Variants in ZFP64 observed in about 807,000 individuals in gnomAD.
The protein encoded by ZFP64 is zinc finger protein 64.
In ZFP64, 14 loss-of-function variants were observed where a neutral mutation model predicts 51.6. The ratio of observed to expected loss-of-function variants is 0.27; its 90% CI spans 0.18 to 0.42. The LOEUF is 0.42. ZFP64 is among the 10% of genes least tolerant of loss of function. ZFP64 has a pLI of 1.00. For synonymous variants in ZFP64, 375 were observed against 361.4 expected, an observed-to-expected ratio of 1.04 and a Z score of -0.43; for missense variants, 754 against 906.8, an observed-to-expected ratio of 0.83 and a Z score of 2.16.
chr20:52,117,062 C>A (rs1446417239), intron 5 of ZFP64, among the ~76,000 whole-genome samples: 2 of 150,154 alleles, frequency 1.3e-5, no homozygotes, highest in Non-Finnish European at 3.0e-5. Context: ...CAGAGCAAGA[C>A]TCTGTCTCAC....
downstream of ZFP64, among the ~76,000 whole-genome samples, chr20:52,146,293 G>A (rs562924168): frequency 3.3e-5 from 5 of 152,104 alleles, no homozygotes; most frequent in African/African-American, 1.2e-4. Flanking sequence ...TGTTTATTGC[G>A]GCACTATTCA....
chr20:52,089,588 CA>C (rs1393952211), intron 7 of ZFP64, among the ~76,000 whole-genome samples: 7 of 151,802 alleles, frequency 4.6e-5, no homozygotes, highest in African/African-American at 1.5e-4. Context: ...ACAAAAAATA[CA>C]AAATATTAGC....
intron 7 of ZFP64, among the ~76,000 whole-genome samples, chr20:52,089,579 C>CA (rs1411323085): frequency 1.3e-5 from 2 of 151,842 alleles, no homozygotes; most frequent in South Asian, 2.1e-4. Context: ...TGTCTTTACA[C>CA]AAAAAATACA....
At chr20:52,086,789 A>T (rs1351272988) in intron 8 of ZFP64, among the ~76,000 whole-genome samples, 2 of 152,054 alleles carry the variant, frequency 1.3e-5, no homozygotes, top group East Asian at 3.8e-4. Flanking sequence ...TTTCACAAGG[A>T]ATTTTTAAAA....
At chr20:52,158,875 T>C (rs896676869) in intron 5 of ZFP64, among the ~76,000 whole-genome samples, 5 of 152,296 alleles carry the variant, frequency 3.3e-5, no homozygotes, top group African/African-American at 9.6e-5. Flanking sequence ...TGACAACTTA[T>C]AGAAGCAAAG....
At chr20:52,114,580 A>T (rs1031119529) in intron 5 of ZFP64, among the ~76,000 whole-genome samples, 39 of 152,234 alleles carry the variant, frequency 2.6e-4, no homozygotes, top group Non-Finnish European at 5.6e-4. Flanking sequence ...TCAGATCAAT[A>T]AAAATTTAAA....
In ZFP64 at chr20:52,187,055, C is replaced by G. The variant is rs529661940; in HGVS notation, c.63G>C (p.Thr21=). The change falls in exon 2 of 6, where the codon ACG becomes ACC. Residue 21 remains threonine (T), a synonymous_variant. Coordinates refer to ENST00000216923, the MANE Select transcript of ZFP64 (RefSeq NM_018197.3). ...AGSVQIPGGT[T]VLVELTPDIH... ...TGTCGGGAGTCAGCTCCACCAGCAC[C>G]GTTGTGCCACCTGGAACTCCATGGG... 6.2e-5 allele frequency: 99 copies of G among 1,607,900 alleles called. No homozygotes were observed. The highest frequency in any genetic ancestry group is 8.5e-6 in the Non-Finnish European group (10 of 1,175,034).
chr20:52,091,725 C>T (rs1412539327), intron 7 of ZFP64, among the ~76,000 whole-genome samples: 1 of 151,782 alleles, frequency 6.6e-6, no homozygotes, highest in African/African-American at 2.4e-5. Context: ...CGGTGGCTCA[C>T]GTCTGTAATC....
rs149014490 is a variant in ZFP64 at position 52,166,886 on chromosome 20, C to T, written c.287-861G>A. On this transcript the variant is annotated intron_variant, in intron 2 of 5. Transcript: ENST00000216923. ...ATCCTAATGAAACACCAAAAAGGAA[C>T]GATAGAAGGGATTTGGGGCAAAATT... Among the ~76,000 whole-genome samples, 466 of 152,084 alleles carry T rather than the reference C, an allele frequency of 3.1e-3. 2 individuals are homozygous for T. The highest frequency in any genetic ancestry group is 0.011 in the African/African-American group (447 of 41,484).
chr20:52,137,554 G>A (rs540971633), intron 5 of ZFP64, among the ~76,000 whole-genome samples: 6 of 152,188 alleles, frequency 3.9e-5, no homozygotes, highest in Non-Finnish European at 7.3e-5. Flanking sequence ...TGAAATCAGA[G>A]TAAAAGCGCA....
intron 4 of ZFP64, among the ~76,000 whole-genome samples, chr20:52,163,027 C>T (rs1240282433): frequency 2.0e-5 from 3 of 152,188 alleles, no homozygotes; most frequent in Non-Finnish European, 4.4e-5. Flanking sequence ...CTGTGGCCCT[C>T]ACTTGTACTT....
At chr20:52,096,880 C>T (rs1568944022) in intron 7 of ZFP64, 74 of 350,664 alleles carry the variant, frequency 2.1e-4, no homozygotes, top group South Asian at 1.6e-3. Flanking sequence ...CAGAGCAGGA[C>T]TCTGTCTCAG....
At chr20:52,139,406 A>T (rs1980143483) in intron 5 of ZFP64, among the ~76,000 whole-genome samples, 1 of 152,192 alleles carries the variant, frequency 6.6e-6, no homozygotes, top group East Asian at 1.9e-4. Context: ...AGGAACAGAA[A>T]ACCGAACACC....
At chr20:52,146,394 CA>C (rs1403510314), downstream of ZFP64, among the ~76,000 whole-genome samples, 1 of 127,528 alleles carries the variant, frequency 7.8e-6, no homozygotes, top group Non-Finnish European at 1.8e-5. Flanking sequence ...GAATACTATG[CA>C]GCCATAAAAA....
chr20:52,131,010 G>C (rs1568668805), intron 5 of ZFP64, among the ~76,000 whole-genome samples: 1 of 151,966 alleles, frequency 6.6e-6, no homozygotes, highest in Non-Finnish European at 1.5e-5. Flanking sequence ...AGCTTGCAGT[G>C]AGCCAAGATT....
At chr20:52,179,755 G>T (rs1242181850) in intron 2 of ZFP64, among the ~76,000 whole-genome samples, 1 of 152,198 alleles carries the variant, frequency 6.6e-6, no homozygotes, top group East Asian at 1.9e-4. Context: ...CTCAGAGGGT[G>T]CCAGAAATAA....
intron 5 of ZFP64, among the ~76,000 whole-genome samples, chr20:52,155,383 A>G (rs1981231856): frequency 6.6e-6 from 1 of 151,544 alleles, no homozygotes; most frequent in Admixed American, 6.6e-5. Flanking sequence ...CCCCCATTCA[A>G]GGACCTCCTT....
intron 5 of ZFP64, chr20:52,104,971 G>GA: frequency 1.2e-6 from 1 of 817,208 alleles, no homozygotes; most frequent in Middle Eastern, 3.5e-4. Context: ...ATTTACAAAG[G>GA]CGGGGGGCGG....
chr20:52,115,655 T>A (rs1368365052), intron 5 of ZFP64, among the ~76,000 whole-genome samples: 23 of 152,212 alleles, frequency 1.5e-4, no homozygotes, highest in Non-Finnish European at 2.9e-5. Context: ...GCTCAAGTGA[T>A]GCGCTGACCT....
Sources: gnomAD v4.1 joint callset for allele counts (sites outside exome capture counted in the v4.1 genomes callset) on GRCh38, gnomAD v4.1.1 for gene constraint, MANE v1.5 for transcripts, NCBI Gene and HGNC (gene_info 2026-07-23, HGNC 2026-07-21) for gene names.